Variants in YIPF1 observed in about 807,000 individuals in gnomAD.
The protein encoded by YIPF1 is Yip1 domain family member 1.
A neutral mutation model predicts 37.0 loss-of-function variants in YIPF1; 22 were observed. That is an observed-to-expected ratio of 0.59 (90% CI 0.42 to 0.85). The LOEUF (loss-of-function observed/expected upper bound fraction) is 0.85. YIPF1 is among the 40% of genes least tolerant of loss of function. The probability of loss-of-function intolerance (pLI) is 0.00; values close to 1 mark genes in which losing one functional copy is unlikely to be tolerated. For missense variants in YIPF1, 355 were observed against 373.1 expected (o/e 0.95, Z 0.40); for synonymous variants, 128 against 131.9 (o/e 0.97, Z 0.21).
chr1:53,854,274 CCTT>C (rs2100715362), intron 10 of YIPF1, among the ~76,000 whole-genome samples: 1 of 152,140 alleles, frequency 6.6e-6, no homozygotes, highest in African/African-American at 2.4e-5. Context: ...AAAAAAAATT[CCTT>C]CTCCTGCTGC....
chr1:53,860,527 A>G (rs1165811295), intron 9 of YIPF1, among the ~76,000 whole-genome samples: 1 of 152,134 alleles, frequency 6.6e-6, no homozygotes, highest in African/African-American at 2.4e-5. Context: ...GGTCGGTCTG[A>G]CTCCAAAGCA....
At chr1:53,875,635 T>A (rs1006599872) in intron 6 of YIPF1, among the ~76,000 whole-genome samples, 1 of 152,052 alleles carries the variant, frequency 6.6e-6, no homozygotes, top group East Asian at 1.9e-4. Flanking sequence ...ACACTGTCTC[T>A]CTCACCTCAT....
chr1:53,870,682 TTTAAA>T (rs1035031855), intron 7 of YIPF1, among the ~76,000 whole-genome samples: 28 of 152,064 alleles, frequency 1.8e-4, no homozygotes, highest in African/African-American at 6.5e-4. Context: ...CACACACACC[TTTAAA>T]TTATTTTGTA....
chr1:53,867,005 T>G (rs1285293280), intron 7 of YIPF1, 81 bp from the exon 8 acceptor site: 1 of 1,481,232 alleles, frequency 6.8e-7, no homozygotes, highest in African/African-American at 1.4e-5. Context: ...CTTATTGTAC[T>G]TAAATGCTAA....
Position 53,866,342 on chromosome 1 carries a change from A to G in YIPF1, c.689T>C (p.Leu230Pro). 6.2e-7 allele frequency: 1 copy of G among 1,614,190 alleles called. No individual in the cohort carries two copies. Among genetic ancestry groups the G allele is most frequent in the Non-Finnish European group, 8.5e-7 (1 of 1,180,012 alleles). Residue 230 changes from leucine to proline, a missense_variant, in exon 9 of 11, where the codon CTA becomes CCA. Leu to Pro is a moderately conservative substitution (Grantham distance 98). Coordinates refer to ENST00000072644, the MANE Select transcript of YIPF1 (RefSeq NM_018982.5). ...IIPQKAVRWI[L>P]VMIALGISGS... Reference sequence around the variant, plus strand: ...TGAGATGCCCAGGGCAATCATGACTAGAATCCAACGAACAGCTTTCTGGGG... The same window carrying G: ...TGAGATGCCCAGGGCAATCATGACTGGAATCCAACGAACAGCTTTCTGGGG...
chr1:53,886,513 T>C lies in YIPF1; in HGVS notation c.31+2394A>G, dbSNP rs1376307849. ...AAGGCTTCTGACCTCTACTTTTTCA[T>C]CCAATACTACCGTTCCTCCCCGGAG... On this transcript the variant is annotated intron_variant, in intron 3 of 10. Coordinates refer to ENST00000072644, the MANE Select transcript of YIPF1 (RefSeq NM_018982.5). 5.3e-5 allele frequency among the ~76,000 whole-genome samples: 8 copies of C among 151,802 alleles called. 1 individual carries two copies. Among genetic ancestry groups the C allele is most frequent in the African/African-American group, 1.9e-4 (8 of 41,122 alleles).
At position 53,860,564 on chromosome 1, in the gene YIPF1, G is replaced by C. The variant is rs544778210; in HGVS notation, c.832-411C>G. On this transcript the variant is annotated intron_variant, in intron 9 of 10. Coordinates refer to ENST00000072644, the MANE Select transcript of YIPF1 (RefSeq NM_018982.5). ...AAGCTCTTAATCACAACATTATACAGTCTTTCCTCCAGGGCAAAGACTTCT... is the reference window on the plus strand; with the variant it reads ...AAGCTCTTAATCACAACATTATACACTCTTTCCTCCAGGGCAAAGACTTCT... Among the ~76,000 whole-genome samples, 8 of 152,330 alleles carry C rather than the reference G, an allele frequency of 5.3e-5. No individual in the cohort carries two copies. The South Asian group carries it at 1.0e-3, about 20-fold the overall frequency.
chr1:53,876,406 T>C (rs933750173), intron 6 of YIPF1, among the ~76,000 whole-genome samples: 8 of 152,216 alleles, frequency 5.3e-5, no homozygotes, highest in African/African-American at 1.9e-4. Context: ...ACTCTGTAAA[T>C]TGTCATCTTT....
In YIPF1 at chr1:53,888,993, G is replaced by GA. The variant is rs1365851680; in HGVS notation, c.-49-8dup. 34 of 1,478,716 alleles carry GA rather than the reference G, an allele frequency of 2.3e-5. No homozygotes were observed. Among genetic ancestry groups the GA allele is most frequent in the Non-Finnish European group, 3.0e-5 (32 of 1,061,566 alleles). 91.6% of individuals were successfully genotyped at this position (1,478,716 alleles called of 1,614,324 possible). ...GAAGAAAATTTGCAGGGTTCTAAAA[G>GA]AAAAAAATAGGTAAACATAATAGGA... is the stretch of plus-strand genomic sequence containing the variant. On this transcript the variant is annotated splice_region_variant and splice_polypyrimidine_tract_variant and intron_variant, in intron 2 of 10. Transcript: ENST00000072644.
intron 9 of YIPF1, among the ~76,000 whole-genome samples, chr1:53,864,337 A>G (rs1444128075): frequency 6.6e-6 from 1 of 152,270 alleles, no homozygotes; most frequent in Non-Finnish European, 1.5e-5. Context: ...AGAGATTCCA[A>G]GTGCCAGAAA....
chr1:53,884,251 A>AAC (rs1650581344), intron 3 of YIPF1, among the ~76,000 whole-genome samples: 1 of 147,506 alleles, frequency 6.8e-6, no homozygotes, highest in Non-Finnish European at 1.5e-5. Flanking sequence ...AAAAAAAAAA[A>AAC]CCCAAAAAAC....
chr1:53,881,485 A>G (rs1289643859), intron 4 of YIPF1, among the ~76,000 whole-genome samples: 1 of 152,192 alleles, frequency 6.6e-6, no homozygotes, highest in Non-Finnish European at 1.5e-5. Flanking sequence ...CAAAGGTCTA[A>G]TATCCAGAGT....
At chr1:53,888,870 G>T (rs750138615) in intron 3 of YIPF1, 37 bp downstream of exon 3, 1 of 1,548,194 alleles carries the variant, frequency 6.5e-7, no homozygotes, top group East Asian at 2.3e-5. Context: ...TAGCAACAGT[G>T]ATCATAAATA....
intron 10 of YIPF1, among the ~76,000 whole-genome samples, chr1:53,858,127 T>C (rs938402847): frequency 1.3e-5 from 2 of 152,144 alleles, no homozygotes; most frequent in African/African-American, 4.8e-5. Context: ...GGGAAGCCCA[T>C]GCTATTTAAT....
Position 53,866,239 on chromosome 1 carries a change from T to C in YIPF1, c.792A>G (p.Thr264=), listed in dbSNP as rs1017034258. 1 of 1,614,004 alleles carries C rather than the reference T, an allele frequency of 6.2e-7. No homozygotes were observed. The highest frequency in any genetic ancestry group is 1.3e-5 in the African/African-American group (1 of 74,900). The stretch of plus-strand genomic sequence containing the variant: ...AAAGCAGCATATGGAGCAACACAAT[T>C]GTCACAATTGTGGCCAATGCAACGC... ...NRRVALATIV[T]IVLLHMLLSV... is the part of the protein sequence containing the mutation. Residue 264 remains threonine (T), a synonymous_variant, in exon 9 of 11, where the codon ACA becomes ACG. Transcript: ENST00000072644.
chr1:53,868,345 T>C (rs952608359), intron 7 of YIPF1, among the ~76,000 whole-genome samples: 3 of 152,220 alleles, frequency 2.0e-5, no homozygotes, highest in African/African-American at 7.2e-5. Flanking sequence ...CCATGGGTTC[T>C]AGTTCTAGGA....
At chr1:53,878,021 A>G (rs997323355) in intron 6 of YIPF1, among the ~76,000 whole-genome samples, 2 of 152,220 alleles carry the variant, frequency 1.3e-5, no homozygotes, top group Middle Eastern at 3.2e-3. Context: ...GCCTCTGGCA[A>G]TCCTCCCATC....
At position 53,881,852 on chromosome 1, in the gene YIPF1, T is replaced by C. The variant is rs1569650476; in HGVS notation, c.195+1261A>G. ...AATACTATTTGACCCAGCAATCCCA[T>C]TACTGGGTATATACCCAGAGAAATA... On this transcript the variant is annotated intron_variant, in intron 4 of 10. Coordinates refer to ENST00000072644, the MANE Select transcript of YIPF1 (RefSeq NM_018982.5). Among the ~76,000 whole-genome samples the C allele has an allele frequency of 3.3e-5, 5 of 152,324 alleles. No individual in the cohort carries two copies. The South Asian group carries it at 1.0e-3, about 32-fold the overall frequency.
At position 53,879,505 on chromosome 1, in the gene YIPF1, C is replaced by T. The variant is rs190242474; in HGVS notation, c.196-783G>A. ...CTCTAAAGTACTAAAAATATTACTA[C>T]TCTGACAAAAAAAAAAATCCTATTG... On this transcript the variant is annotated intron_variant, in intron 4 of 10. Coordinates refer to ENST00000072644, the MANE Select transcript of YIPF1 (RefSeq NM_018982.5). 3.4e-3 allele frequency among the ~76,000 whole-genome samples: 431 copies of T among 127,870 alleles called. 3 individuals carry two copies. Among genetic ancestry groups the T allele is most frequent in the Middle Eastern group, 0.011 (3 of 262 alleles). 83.9% of individuals were successfully genotyped at this position (127,870 alleles called of 152,430 possible).
Sources: allele counts gnomAD v4.1 joint callset (sites outside exome capture counted in the v4.1 genomes callset), GRCh38; gene constraint gnomAD v4.1.1; transcripts MANE v1.5; gene names NCBI Gene and HGNC (gene_info 2026-07-23, HGNC 2026-07-21).